SMYD3: variants seen among roughly 807,000 people sequenced by gnomAD.
The protein encoded by SMYD3 is SET and MYND domain containing 3, also known as histone-lysine N-methyltransferase SMYD3.
A neutral mutation model predicts 57.7 loss-of-function variants in SMYD3; 36 were observed. That is an observed-to-expected ratio of 0.62 (90% confidence interval 0.48 to 0.82). The LOEUF (loss-of-function observed/expected upper bound fraction) is 0.82. Ranked by LOEUF, SMYD3 falls within the 40% of genes least tolerant of loss-of-function variation. The probability of loss-of-function intolerance (pLI) is 0.00; values close to 1 mark genes in which losing one functional copy is unlikely to be tolerated. For synonymous variants in SMYD3, 211 were observed against 195.0 expected (o/e 1.08, Z -0.68); for missense variants, 515 against 538.8 (o/e 0.96, Z 0.44).
intron 5 of SMYD3, among the ~76,000 whole-genome samples, chr1:245,948,055 T>A (rs1439293391): frequency 6.6e-6 from 1 of 152,074 alleles, no homozygotes; most frequent in East Asian, 1.9e-4. Context: ...GCCTAGCCGG[T>A]TTCGCCAGAA....
chr1:246,228,150 A>C (rs2063357738), intron 5 of SMYD3, among the ~76,000 whole-genome samples: 1 of 151,796 alleles, frequency 6.6e-6, no homozygotes. Context: ...TTGTATTTTT[A>C]GTAGAGATGG....
At chr1:246,029,983 C>T (rs2059642363) in intron 5 of SMYD3, among the ~76,000 whole-genome samples, 1 of 149,868 alleles carries the variant, frequency 6.7e-6, no homozygotes, top group African/African-American at 2.5e-5. Flanking sequence ...GCAATCCCAG[C>T]ACTGGGTTTC....
chr1:245,754,937 C>T (rs568696064), intron 11 of SMYD3, among the ~76,000 whole-genome samples: 17 of 152,324 alleles, frequency 1.1e-4, no homozygotes, highest in Non-Finnish European at 1.8e-4. Context: ...GGTGGCCCCA[C>T]GGCACCCTCA....
At chr1:246,072,392 C>T (rs1278363834) in intron 5 of SMYD3, among the ~76,000 whole-genome samples, 1 of 150,666 alleles carries the variant, frequency 6.6e-6, no homozygotes, top group African/African-American at 2.4e-5. Flanking sequence ...ACTGTGCTCA[C>T]TGTGGCTGCA....
intron 5 of SMYD3, among the ~76,000 whole-genome samples, chr1:245,948,058 C>T (rs4654177): frequency 0.53 from 81,175 of 151,954 alleles, 27,288 homozygotes; most frequent in Non-Finnish European, 0.76. Context: ...TAGCCGGTTT[C>T]GCCAGAACCT....
At chr1:246,047,844 GAAAAA>G (rs33946218) in intron 5 of SMYD3, among the ~76,000 whole-genome samples, 3 of 146,402 alleles carry the variant, frequency 2.0e-5, no homozygotes, top group African/African-American at 4.9e-5. Context: ...GTAGCAGAAG[GAAAAA>G]AAAAAAAATG....
chr1:245,926,207 AATT>A (rs1229757669), intron 7 of SMYD3, among the ~76,000 whole-genome samples: 2 of 152,196 alleles, frequency 1.3e-5, no homozygotes, highest in Non-Finnish European at 2.9e-5. Context: ...CATCAGCAAG[AATT>A]TGGGGATAAA....
At chr1:245,856,721 C>T (rs1484345209) in intron 10 of SMYD3, among the ~76,000 whole-genome samples, 2 of 152,138 alleles carry the variant, frequency 1.3e-5, no homozygotes, top group Non-Finnish European at 2.9e-5. Flanking sequence ...AGTTTCTGTG[C>T]TTAAGAGTGG....
intron 5 of SMYD3, among the ~76,000 whole-genome samples, chr1:246,008,252 C>T (rs2059211286): frequency 6.6e-6 from 1 of 152,186 alleles, no homozygotes; most frequent in Non-Finnish European, 1.5e-5. Context: ...TTCTGAAAGG[C>T]CTCGGAGAAA....
At chr1:246,363,401 C>T (rs2066040412) in intron 1 of SMYD3, among the ~76,000 whole-genome samples, 1 of 151,910 alleles carries the variant, frequency 6.6e-6, no homozygotes, top group South Asian at 2.1e-4. Context: ...TGCCCGGCCA[C>T]CACCCCGTCT....
intron 1 of SMYD3, among the ~76,000 whole-genome samples, chr1:246,448,031 T>C (rs1000445005): frequency 6.6e-6 from 1 of 152,194 alleles, no homozygotes; most frequent in Admixed American, 6.5e-5. Flanking sequence ...CCTAAGACCT[T>C]TGGCATATGA....
intron 10 of SMYD3, among the ~76,000 whole-genome samples, chr1:245,840,941 T>C (rs1412209321): frequency 6.6e-6 from 1 of 152,224 alleles, no homozygotes; most frequent in African/African-American, 2.4e-5. Flanking sequence ...GCTTGGCATT[T>C]GGGTAGCTGC....
At chr1:246,071,018 C>A (rs375621615) in intron 5 of SMYD3, among the ~76,000 whole-genome samples, 2 of 152,018 alleles carry the variant, frequency 1.3e-5, no homozygotes, top group Non-Finnish European at 2.9e-5. Flanking sequence ...TTTACTGGTT[C>A]GATCAGAAAT....
intron 8 of SMYD3, among the ~76,000 whole-genome samples, chr1:245,882,026 G>A (rs1192149013): frequency 2.0e-5 from 3 of 152,214 alleles, no homozygotes; most frequent in Non-Finnish European, 4.4e-5. Flanking sequence ...AAGAAAGTGG[G>A]AAGTTGCTCA....
intron 5 of SMYD3, among the ~76,000 whole-genome samples, chr1:246,286,823 T>A (rs1161432217): frequency 6.6e-6 from 1 of 152,050 alleles, no homozygotes; most frequent in Non-Finnish European, 1.5e-5. Context: ...AAAACTGTAG[T>A]GGTATATCTT....
intron 5 of SMYD3, among the ~76,000 whole-genome samples, chr1:246,191,093 G>A (rs935386594): frequency 5.3e-5 from 8 of 152,210 alleles, no homozygotes; most frequent in Admixed American, 2.0e-4. Flanking sequence ...CGCACCTCAC[G>A]GTGCATTCTG....
chr1:245,817,332 G>T (rs946959887), intron 10 of SMYD3, among the ~76,000 whole-genome samples: 2 of 145,204 alleles, frequency 1.4e-5, no homozygotes, highest in Non-Finnish European at 3.0e-5. Flanking sequence ...CTGCAGCTGA[G>T]GGTCCTGCCT....
At chr1:245,943,477 A>T (rs1364684439) in intron 5 of SMYD3, among the ~76,000 whole-genome samples, 2 of 152,134 alleles carry the variant, frequency 1.3e-5, no homozygotes, top group Non-Finnish European at 2.9e-5. Context: ...CAAGTTCCAA[A>T]ATTGAGGCAG....
chr1:245,836,161 AG>A lies in SMYD3; in HGVS notation c.1076+22334del, dbSNP rs2050096346. On this transcript the variant is annotated intron_variant, in intron 10 of 11. Transcript: ENST00000490107. ...GGTTATTTTAACTACTTCTGTGGCC[AG>A]GAGAGAAGGATGAGAGTTTCAGCTG... Among the ~76,000 whole-genome samples the A allele has an allele frequency of 3.9e-5, 6 of 152,318 alleles. 1 individual carries two copies. The South Asian group carries it at 1.2e-3, about 32-fold the overall frequency.
Sources: gnomAD v4.1 joint callset for allele counts (sites outside exome capture counted in the v4.1 genomes callset) on GRCh38, gnomAD v4.1.1 for gene constraint, MANE v1.5 for transcripts, NCBI Gene and HGNC (gene_info 2026-07-23, HGNC 2026-07-21) for gene names.